The following COL25A1 variants were observed in gnomAD, a reference collection of about 807,000 sequenced individuals.
The protein encoded by COL25A1 is collagen type XXV alpha 1 chain.
COL25A1 carries 103 observed loss-of-function variants against 128.4 expected under a neutral mutation model. The observed-to-expected ratio is 0.80, with a 90% CI of 0.68 to 0.94. The LOEUF is 0.94. Among genes scored for constraint, COL25A1 ranks in the 40% least tolerant of loss-of-function variants. The pLI, the probability that COL25A1 is intolerant of heterozygous loss-of-function variation, is 0.00. For missense variants in COL25A1, 745 were observed against 840.0 expected, an observed-to-expected ratio of 0.89 and a Z score of 1.40; for synonymous variants, 279 against 277.2, an observed-to-expected ratio of 1.01 and a Z score of -0.06.
chr4:109,104,401 A>ATTCTCTCT (rs1553933035), intron 3 of COL25A1, among the ~76,000 whole-genome samples: 1 of 149,976 alleles, frequency 6.7e-6, no homozygotes, highest in Non-Finnish European at 1.5e-5. Flanking sequence ...AAAGGAAATC[A>ATTCTCTCT]CTCTCTCTCT....
At chr4:109,205,090 C>T (rs769805962) in intron 3 of COL25A1, among the ~76,000 whole-genome samples, 18 of 152,104 alleles carry the variant, frequency 1.2e-4, no homozygotes, top group Non-Finnish European at 1.0e-4. Flanking sequence ...AATTCATTAT[C>T]GTAATGGTTC....
In COL25A1 at chr4:109,300,619, C is replaced by T. The variant is rs200364870; in HGVS notation, c.331G>A (p.Ala111Thr). ...TTACATTCTGAAGGTGCTTCTCTTGCGATTCTTATTTTAGCCATATGTTCA... is the reference window on the plus strand; with the variant it reads ...TTACATTCTGAAGGTGCTTCTCTTGTGATTCTTATTTTAGCCATATGTTCA... Reference protein sequence around the residue: ...SYEHMAKIRIAREAPSECNCP... With the variant: ...SYEHMAKIRITREAPSECNCP... The change falls in exon 3 of 38, where the codon GCA (alanine) becomes ACA (threonine). Residue 111 changes from alanine to threonine, a missense_variant. Around this residue, in one of 3 missense-constraint regions of COL25A1, gnomAD observed 319 missense variants for 324.9 expected, o/e 0.98. Transcript: ENST00000399132. 1 of 1,611,996 alleles carries T rather than the reference C, an allele frequency of 6.2e-7. No individual in the cohort carries two copies. The highest frequency in any genetic ancestry group is 1.3e-5 in the African/African-American group (1 of 74,986).
intron 6 of COL25A1, among the ~76,000 whole-genome samples, chr4:108,979,960 G>A (rs1407377690): frequency 6.6e-6 from 1 of 152,198 alleles, no homozygotes; most frequent in Non-Finnish European, 1.5e-5. Flanking sequence ...GGAGGGAGGA[G>A]GAGCGAAGCA....
rs190344065 is a variant in COL25A1 at position 108,994,307 on chromosome 4, C to T, written c.438+16051G>A. On this transcript the variant is annotated intron_variant, in intron 6 of 37. Coordinates refer to ENST00000399132, the MANE Select transcript of COL25A1 (RefSeq NM_198721.4). ...ACTGGCAGAACAGAAGATACTCTCC[C>T]GTGCCTGGTGCAGTGGGTCCCATGC... Among the ~76,000 whole-genome samples, 11 of 152,348 alleles carry T rather than the reference C, an allele frequency of 7.2e-5. No individual in the cohort carries two copies. The East Asian group carries it at 1.7e-3, about 24-fold the overall frequency.
intron 3 of COL25A1, among the ~76,000 whole-genome samples, chr4:109,186,209 C>T (rs1775118136): frequency 6.6e-6 from 1 of 152,198 alleles, no homozygotes; most frequent in African/African-American, 2.4e-5. Context: ...AGAGAAACGA[C>T]TCCAATTCTT....
At chr4:108,990,212 CAAAAAAAAAAAAA>C (rs1171265414) in intron 6 of COL25A1, among the ~76,000 whole-genome samples, 3 of 39,748 alleles carry the variant, frequency 7.5e-5, no homozygotes, top group South Asian at 1.1e-3. Flanking sequence ...AACTCCATCT[CAAAAAAAAAAAAA>C]AAAAAAAAAA....
chr4:109,218,357 GTTT>G (rs34056401), intron 3 of COL25A1, among the ~76,000 whole-genome samples: 891 of 73,536 alleles, frequency 0.012, 9 homozygotes, highest in African/African-American at 0.046. Flanking sequence ...GTTTTTTGGG[GTTT>G]TTTTTTTTTT....
intron 3 of COL25A1, among the ~76,000 whole-genome samples, chr4:109,249,670 T>C (rs541927715): frequency 1.3e-5 from 2 of 152,326 alleles, no homozygotes; most frequent in Non-Finnish European, 2.9e-5. Context: ...TAAATATTCA[T>C]GACCTACTTA....
chr4:109,229,251 G>T (rs1335151958), intron 3 of COL25A1, among the ~76,000 whole-genome samples: 1 of 152,134 alleles, frequency 6.6e-6, no homozygotes, highest in Non-Finnish European at 1.5e-5. Flanking sequence ...ACTTATTCTT[G>T]TTATTTGCAA....
At chr4:109,025,192 A>G (rs1648043) in intron 5 of COL25A1, among the ~76,000 whole-genome samples, 77,795 of 152,066 alleles carry the variant, frequency 0.51, 22,654 homozygotes, top group African/African-American at 0.78. Flanking sequence ...TCAAGGTGTA[A>G]GTAAATGATC....
chr4:109,242,072 C>A (rs1779932025), intron 3 of COL25A1, among the ~76,000 whole-genome samples: 1 of 150,196 alleles, frequency 6.7e-6, no homozygotes, highest in South Asian at 2.1e-4. Context: ...TGATGGGCTT[C>A]ACCTTTCATA....
At chr4:109,203,887 C>T in intron 3 of COL25A1, among the ~76,000 whole-genome samples, 1 of 151,984 alleles carries the variant, frequency 6.6e-6, no homozygotes, top group East Asian at 1.9e-4. Context: ...TAGAAATTTG[C>T]CACAGTTGGG....
intron 5 of COL25A1, among the ~76,000 whole-genome samples, chr4:109,037,501 C>A (rs1759461643): frequency 6.6e-6 from 1 of 152,244 alleles, no homozygotes; most frequent in African/African-American, 2.4e-5. Flanking sequence ...AGCCCCTCTG[C>A]TGGGCAGCAG....
At chr4:108,955,474 C>T (rs1578881689) in intron 8 of COL25A1, among the ~76,000 whole-genome samples, 1 of 152,078 alleles carries the variant, frequency 6.6e-6, no homozygotes, top group African/African-American at 2.4e-5. Context: ...CCTAATAATT[C>T]ACAAATTGCA....
intron 3 of COL25A1, among the ~76,000 whole-genome samples, chr4:109,075,487 A>T (rs1763301476): frequency 6.6e-6 from 1 of 152,138 alleles, no homozygotes; most frequent in South Asian, 2.1e-4. Flanking sequence ...CTATTATGTG[A>T]TATGAATAAA....
chr4:108,831,691 A>AGAGAGAGAGGGG (rs1553944378), intron 32 of COL25A1, among the ~76,000 whole-genome samples: 9 of 23,328 alleles, frequency 3.9e-4, no homozygotes, highest in Non-Finnish European at 1.0e-3. Flanking sequence ...AGAGGGGGAG[A>AGAGAGAGAGGGG]GAGAGAGAGA....
At chr4:109,104,313 C>G (rs549032652) in intron 3 of COL25A1, among the ~76,000 whole-genome samples, 1 of 152,086 alleles carries the variant, frequency 6.6e-6, no homozygotes, top group African/African-American at 2.4e-5. Flanking sequence ...TTCGAGGTTA[C>G]AGTGAGCTAT....
intron 19 of COL25A1, among the ~76,000 whole-genome samples, chr4:108,871,138 TAGAA>T (rs1315788187): frequency 6.6e-6 from 1 of 152,184 alleles, no homozygotes; most frequent in Non-Finnish European, 1.5e-5. Flanking sequence ...TTTTAAAAAA[TAGAA>T]GATATGTTGT....
intron 3 of COL25A1, among the ~76,000 whole-genome samples, chr4:109,221,325 G>T (rs79378088): frequency 0.022 from 3,390 of 152,192 alleles, 108 homozygotes; most frequent in African/African-American, 0.069. Flanking sequence ...AATCAGAGTA[G>T]AATGAAAATC....
Sources: allele counts gnomAD v4.1 joint callset (sites outside exome capture counted in the v4.1 genomes callset), GRCh38; gene constraint gnomAD v4.1.1; regional missense constraint gnomAD v4.1.1; transcripts MANE v1.5; gene names NCBI Gene and HGNC (gene_info 2026-07-23, HGNC 2026-07-21).